Variants in BABAM2 observed in about 807,000 individuals in gnomAD.
BABAM2 encodes the protein BRISC and BRCA1-A complex member 2.
In BABAM2, 31 loss-of-function variants were observed where a neutral mutation model predicts 54.7. That is an observed-to-expected ratio of 0.57 (90% confidence interval 0.43 to 0.77). The LOEUF is 0.77. Among genes scored for constraint, BABAM2 ranks in the 30% least tolerant of loss-of-function variants. BABAM2 has a pLI of 0.00. For missense variants in BABAM2, 364 were observed against 455.8 expected (o/e 0.80, Z 1.83); for synonymous variants, 167 against 162.9 (o/e 1.03, Z -0.19).
intron 10 of BABAM2, among the ~76,000 whole-genome samples, chr2:28,249,279 G>A (rs1222891414): frequency 1.3e-5 from 2 of 151,824 alleles, no homozygotes; most frequent in Non-Finnish European, 2.9e-5. Flanking sequence ...AGTAGAGACC[G>A]GGTTTCACCA....
chr2:28,102,078 T>C (rs1006542775), intron 6 of BABAM2, among the ~76,000 whole-genome samples: 1 of 152,228 alleles, frequency 6.6e-6, no homozygotes, highest in African/African-American at 2.4e-5. Context: ...GGCTGACTTG[T>C]TTATTCGTCA....
At chr2:28,029,336 A>G (rs1026308889) in intron 5 of BABAM2, among the ~76,000 whole-genome samples, 2 of 152,184 alleles carry the variant, frequency 1.3e-5, no homozygotes, top group African/African-American at 4.8e-5. Context: ...TTCATCTTGC[A>G]AAGGAAGCCA....
Position 28,107,601 on chromosome 2 carries a change from T to A in BABAM2, c.571-21670T>A, listed in dbSNP as rs184193770. Among the ~76,000 whole-genome samples the A allele has an allele frequency of 3.8e-3, 585 of 152,292 alleles. 3 individuals carry two copies. The highest frequency in any genetic ancestry group is 7.3e-3 in the Admixed American group (111 of 15,284). ...ACTCCCTTGGATCATTTGGATTCCT[T>A]CCAACTAGGACCATTACCTCTTCCT... On this transcript the variant is annotated intron_variant, in intron 6 of 11. Coordinates refer to ENST00000379624, the MANE Select transcript of BABAM2 (RefSeq NM_199191.3).
chr2:28,296,494 C>T (rs537780238), intron 10 of BABAM2, among the ~76,000 whole-genome samples: 17 of 152,128 alleles, frequency 1.1e-4, no homozygotes, highest in Non-Finnish European at 2.4e-4. Flanking sequence ...CAAGTGCACT[C>T]CGAGTCTAAG....
intron 3 of BABAM2, among the ~76,000 whole-genome samples, chr2:27,936,511 C>T (rs1287849102): frequency 2.0e-5 from 3 of 152,106 alleles, no homozygotes; most frequent in East Asian, 1.9e-4. Flanking sequence ...ATGTTTATTG[C>T]GGCACTATTC....
intron 11 of BABAM2, among the ~76,000 whole-genome samples, chr2:28,314,666 C>T (rs1184392791): frequency 2.6e-5 from 4 of 152,202 alleles, no homozygotes; most frequent in Non-Finnish European, 5.9e-5. Flanking sequence ...GTGTAAGATA[C>T]AGTCCCTGCT....
intron 3 of BABAM2, among the ~76,000 whole-genome samples, chr2:27,945,119 A>G (rs1038076862): frequency 1.3e-5 from 2 of 152,052 alleles, no homozygotes; most frequent in Admixed American, 6.6e-5. Flanking sequence ...CCTGGGCTCA[A>G]GCAACCCCTC....
intron 5 of BABAM2, among the ~76,000 whole-genome samples, chr2:28,044,580 G>A (rs190216990): frequency 3.9e-5 from 6 of 152,304 alleles, no homozygotes; most frequent in African/African-American, 1.4e-4. Flanking sequence ...AGAATGGAGT[G>A]GAGGCTGTGG....
intron 10 of BABAM2, among the ~76,000 whole-genome samples, chr2:28,293,292 G>C (rs1347690636): frequency 6.6e-6 from 1 of 152,124 alleles, no homozygotes; most frequent in African/African-American, 2.4e-5. Context: ...GAGGTGTTTG[G>C]AGAAGTGAGA....
chr2:28,324,639 A>C (rs1313262427), intron 11 of BABAM2, among the ~76,000 whole-genome samples: 1 of 151,184 alleles, frequency 6.6e-6, no homozygotes, highest in Non-Finnish European at 1.5e-5. Context: ...AAAAAAAAAA[A>C]AATTAATTAG....
intron 6 of BABAM2, among the ~76,000 whole-genome samples, chr2:28,049,534 C>T (rs112435112): frequency 5.5e-4 from 83 of 152,260 alleles, no homozygotes; most frequent in African/African-American, 1.5e-3. Flanking sequence ...CCCATTCATC[C>T]TGATGGATTG....
At chr2:28,171,966 T>C (rs1371733481) in intron 7 of BABAM2, among the ~76,000 whole-genome samples, 3 of 152,206 alleles carry the variant, frequency 2.0e-5, no homozygotes, top group Non-Finnish European at 2.9e-5. Flanking sequence ...ATATGTTATA[T>C]GCTATTCAGA....
intron 7 of BABAM2, among the ~76,000 whole-genome samples, chr2:28,165,054 A>G (rs932852283): frequency 2.0e-5 from 3 of 152,166 alleles, no homozygotes; most frequent in Admixed American, 6.5e-5. Flanking sequence ...TTTAGCTCCT[A>G]CTGTGTCCCA....
At position 28,027,076 on chromosome 2, in the gene BABAM2, A is replaced by T. The variant is rs537760033; in HGVS notation, c.495+1656A>T. ...TTCCCATCACCACCATCTTCCATCC[A>T]TCATTAATTTTGTCTGTTCATCTCC... is the stretch of plus-strand genomic sequence containing the variant. On this transcript the variant is annotated intron_variant, in intron 5 of 11. Coordinates refer to ENST00000379624, the MANE Select transcript of BABAM2 (RefSeq NM_199191.3). Among the ~76,000 whole-genome samples, 206 of 146,454 alleles carry T rather than the reference A, an allele frequency of 1.4e-3. 1 individual carries two copies. Among genetic ancestry groups the T allele is most frequent in the African/African-American group, 4.8e-3 (187 of 39,256 alleles).
intron 11 of BABAM2, among the ~76,000 whole-genome samples, chr2:28,311,383 C>G (rs1689078461): frequency 6.6e-6 from 1 of 151,970 alleles, no homozygotes; most frequent in Non-Finnish European, 1.5e-5. Context: ...GAGTTAGGGT[C>G]ACGTATTCTC....
chr2:28,282,005 C>T (rs1378733000), intron 10 of BABAM2, among the ~76,000 whole-genome samples: 1 of 152,134 alleles, frequency 6.6e-6, no homozygotes, highest in Non-Finnish European at 1.5e-5. Flanking sequence ...AAGTGCCAAG[C>T]CTTCAGGCTT....
intron 6 of BABAM2, among the ~76,000 whole-genome samples, chr2:28,052,513 C>T (rs1284101604): frequency 6.6e-6 from 1 of 152,032 alleles, no homozygotes; most frequent in Non-Finnish European, 1.5e-5. Flanking sequence ...GTCTCGAACT[C>T]CTGACCTCAA....
intron 10 of BABAM2, among the ~76,000 whole-genome samples, chr2:28,280,873 A>G (rs1416421670): frequency 1.3e-5 from 2 of 152,102 alleles, no homozygotes; most frequent in African/African-American, 2.4e-5. Flanking sequence ...GGTCATGAGT[A>G]AGGCGGGGGG....
At chr2:28,170,535 A>G (rs1229585730) in intron 7 of BABAM2, among the ~76,000 whole-genome samples, 1 of 152,126 alleles carries the variant, frequency 6.6e-6, no homozygotes, top group African/African-American at 2.4e-5. Flanking sequence ...TAATTTAGCT[A>G]TTAATACTGA....
Sources: gnomAD v4.1 joint callset for allele counts (sites outside exome capture counted in the v4.1 genomes callset) on GRCh38, gnomAD v4.1.1 for gene constraint, MANE v1.5 for transcripts, NCBI Gene and HGNC (gene_info 2026-07-23, HGNC 2026-07-21) for gene names.